Variants in WAPL observed in about 807,000 individuals in gnomAD.
WAPL encodes wings apart-like protein homolog.
WAPL carries 5 observed loss-of-function variants against 121.0 expected under a neutral mutation model. That is an observed-to-expected ratio of 0.04 (90% CI 0.02 to 0.09). The LOEUF (loss-of-function observed/expected upper bound fraction) is 0.09. Ranked by LOEUF, WAPL falls within the 10% of genes least tolerant of loss-of-function variation. The pLI is 1.00. For missense variants in WAPL, 999 were observed against 1,410.8 expected, an observed-to-expected ratio of 0.71 and a Z score of 4.68; for synonymous variants, 480 against 481.5, an observed-to-expected ratio of 1.00 and a Z score of 0.04.
chr10:86,499,221 C>A (rs1374775483), intron 3 of WAPL, among the ~76,000 whole-genome samples: 1 of 152,142 alleles, frequency 6.6e-6, no homozygotes, highest in Non-Finnish European at 1.5e-5. Context: ...CAACTTGGGA[C>A]CTGATCATTA....
intron 4 of WAPL, among the ~76,000 whole-genome samples, chr10:86,475,872 T>C (rs770376930): frequency 2.2e-4 from 34 of 152,274 alleles, no homozygotes; most frequent in Non-Finnish European, 3.7e-4. Context: ...CTCAAGCATT[T>C]TACTTCTTTT....
Position 86,451,075 on chromosome 10 carries a change from C to T in WAPL, c.3114+892G>A, listed in dbSNP as rs190344717. On this transcript the variant is annotated intron_variant, in intron 15 of 18. Coordinates refer to ENST00000298767, the MANE Select transcript of WAPL (RefSeq NM_015045.5). ...ACGAGTAAATAAATACTAGAGGACA[C>T]GAAGTGGATGTGATGGGCCTGGATT... Among the ~76,000 whole-genome samples the T allele has an allele frequency of 1.9e-4, 28 of 150,916 alleles. No homozygotes were observed. The East Asian group carries it at 5.3e-3, about 28-fold the overall frequency.
In WAPL at chr10:86,489,885, G is replaced by GAAAA. The variant is rs11429174; in HGVS notation, c.1644+7312_1644+7315dup. ...TTAAAATGAATAAAGGTTTTGCCTT[G>GAAAA]AAAAAAAAAAAAAAAGGCTACTACG... On this transcript the variant is annotated intron_variant, in intron 4 of 18. Transcript: ENST00000298767. 1.4e-3 allele frequency among the ~76,000 whole-genome samples: 184 copies of GAAAA among 135,508 alleles called. 1 individual carries two copies. Among genetic ancestry groups the GAAAA allele is most frequent in the African/African-American group, 4.6e-3 (166 of 35,742 alleles). 88.9% of individuals were successfully genotyped at this position (135,508 alleles called of 152,430 possible).
chr10:86,451,139 CTAT>C (rs1840968076), intron 15 of WAPL, among the ~76,000 whole-genome samples: 1 of 151,482 alleles, frequency 6.6e-6, no homozygotes, highest in Admixed American at 6.6e-5. Context: ...TGGGAGCTCA[CTAT>C]GTTGCCCAGG....
At chr10:86,491,691 T>C (rs1283479056) in intron 4 of WAPL, among the ~76,000 whole-genome samples, 2 of 151,772 alleles carry the variant, frequency 1.3e-5, no homozygotes, top group African/African-American at 4.8e-5. Flanking sequence ...AAGAGACCGC[T>C]TGAAATGGTT....
chr10:86,480,863 C>T (rs1841766267), intron 4 of WAPL, among the ~76,000 whole-genome samples: 2 of 152,126 alleles, frequency 1.3e-5, no homozygotes, highest in Non-Finnish European at 2.9e-5. Context: ...CTATCTTAAT[C>T]AATAGTCCAG....
intron 9 of WAPL, 47 bp from the exon 10 acceptor site, chr10:86,461,334 C>T (rs1411617399): frequency 6.8e-7 from 1 of 1,460,314 alleles, no homozygotes; most frequent in Admixed American, 1.9e-5. Context: ...TTAGCAATAA[C>T]TCTAGAAATT....
chr10:86,495,531 T>C (rs1046052661), intron 4 of WAPL, among the ~76,000 whole-genome samples: 3 of 150,598 alleles, frequency 2.0e-5, no homozygotes, highest in Admixed American at 2.0e-4. Context: ...TAACTTAAAA[T>C]AGAACAACGA....
At chr10:86,467,568 G>C in intron 8 of WAPL, 62 bp from the exon 9 acceptor site, 1 of 1,219,568 alleles carries the variant, frequency 8.2e-7, no homozygotes, top group Non-Finnish European at 1.2e-6. Context: ...TGACATCTCA[G>C]GAAATAAGAC....
Position 86,503,136 on chromosome 10 carries a change from C to A in WAPL, c.500-2393G>T, listed in dbSNP as rs544161829. 3.9e-5 allele frequency among the ~76,000 whole-genome samples: 6 copies of A among 152,174 alleles called. No homozygotes were observed. The East Asian group carries it at 9.7e-4, about 25-fold the overall frequency. The stretch of plus-strand genomic sequence containing the variant: ...TCATGTCACTGTACTCCAACCTGGG[C>A]AAAAGAGCGAGACTCTGTTTAAAAG... On this transcript the variant is annotated intron_variant, in intron 2 of 18. Transcript: ENST00000298767.
chr10:86,475,373 TAAG>T (rs1459358497), intron 4 of WAPL, among the ~76,000 whole-genome samples: 1 of 152,152 alleles, frequency 6.6e-6, no homozygotes, highest in Non-Finnish European at 1.5e-5. Flanking sequence ...ACAACAAAAA[TAAG>T]AAGACAAGTG....
At chr10:86,466,349 G>A (rs1005198729) in intron 9 of WAPL, among the ~76,000 whole-genome samples, 2 of 152,132 alleles carry the variant, frequency 1.3e-5, no homozygotes, top group African/African-American at 2.4e-5. Flanking sequence ...AAGGAAGATC[G>A]CTTGAGCCCA....
At chr10:86,458,962 T>A in intron 12 of WAPL, 27 bp downstream of exon 12, 5 of 1,547,560 alleles carry the variant, frequency 3.2e-6, no homozygotes, top group Non-Finnish European at 4.4e-6. Flanking sequence ...ACAATGTTAG[T>A]TGTTAACTAA....
chr10:86,489,577 T>C (rs1031677691), intron 4 of WAPL, among the ~76,000 whole-genome samples: 5 of 152,130 alleles, frequency 3.3e-5, no homozygotes, highest in African/African-American at 1.2e-4. Context: ...TTTTGGGTTG[T>C]AACAACAAGG....
At chr10:86,440,432 T>C (rs1020586949) in intron 17 of WAPL, among the ~76,000 whole-genome samples, 3 of 150,118 alleles carry the variant, frequency 2.0e-5, no homozygotes, top group Non-Finnish European at 4.4e-5. Context: ...GGACTACAGG[T>C]GCCCACCACC....
intron 2 of WAPL, among the ~76,000 whole-genome samples, chr10:86,515,169 G>A (rs1200192380): frequency 6.6e-6 from 1 of 151,534 alleles, no homozygotes; most frequent in Non-Finnish European, 1.5e-5. Flanking sequence ...ACTGGGGCAG[G>A]AGAATTGCTT....
At chr10:86,453,425 G>C (rs1181454386) in intron 13 of WAPL, 90 bp from the exon 14 acceptor site, 9 of 1,363,464 alleles carry the variant, frequency 6.6e-6, no homozygotes, top group Admixed American at 1.9e-5. Flanking sequence ...TATTAACTTA[G>C]AATTGTATAG....
chr10:86,449,240 C>T (rs1405084000), intron 15 of WAPL, among the ~76,000 whole-genome samples: 1 of 152,156 alleles, frequency 6.6e-6, no homozygotes, highest in African/African-American at 2.4e-5. Flanking sequence ...TTATCAGTAG[C>T]ATAAACGATA....
Position 86,438,401 on chromosome 10 carries a change from G to A in WAPL, c.3412-386C>T, listed in dbSNP as rs112615985. Among the ~76,000 whole-genome samples the A allele has an allele frequency of 1.9e-3, 286 of 152,214 alleles. 1 individual carries two copies. Among genetic ancestry groups the A allele is most frequent in the African/African-American group, 6.4e-3 (267 of 41,538 alleles). On this transcript the variant is annotated intron_variant, in intron 17 of 18. Coordinates refer to ENST00000298767, the MANE Select transcript of WAPL (RefSeq NM_015045.5). ...CCCGGGTAGCCGGGATTAAAGGCAC[G>A]TGCCACCATGCCTGGCTAATTTTTG...
Sources: gnomAD v4.1 joint callset for allele counts (sites outside exome capture counted in the v4.1 genomes callset) on GRCh38, gnomAD v4.1.1 for gene constraint, MANE v1.5 for transcripts, NCBI Gene and HGNC (gene_info 2026-07-23, HGNC 2026-07-21) for gene names.